Variants in DLGAP2 observed in about 807,000 individuals in gnomAD.
DLGAP2 encodes the protein DLG associated protein 2.
Under a neutral mutation model 100.3 loss-of-function variants are expected in DLGAP2, and 26 were observed. The observed-to-expected ratio is 0.26, with a 90% CI of 0.19 to 0.36. The LOEUF (loss-of-function observed/expected upper bound fraction) is 0.36. DLGAP2 is among the 10% of genes least tolerant of loss of function. The pLI is 1.00. For synonymous variants in DLGAP2, 886 were observed against 630.1 expected (o/e 1.41, Z -6.08); for missense variants, 1,858 against 1,453.2 (o/e 1.28, Z -4.53).
At chr8:1,217,125 A>G (rs1467257639) in intron 2 of DLGAP2, among the ~76,000 whole-genome samples, 1 of 152,094 alleles carries the variant, frequency 6.6e-6, no homozygotes, top group Non-Finnish European at 1.5e-5. Flanking sequence ...TTCACCCTCA[A>G]ATAGACCCCA....
intron 11 of DLGAP2, 109 bp from the exon 12 acceptor site, chr8:1,678,105 C>A (rs959578145): frequency 1.6e-6 from 2 of 1,287,528 alleles, no homozygotes; most frequent in Non-Finnish European, 2.1e-6. Flanking sequence ...GCCCTTGAGC[C>A]GCCAGGCTGT....
chr8:1,176,735 C>T (rs1797267338), intron 2 of DLGAP2, among the ~76,000 whole-genome samples: 2 of 152,182 alleles, frequency 1.3e-5, no homozygotes, highest in South Asian at 4.1e-4. Flanking sequence ...TCAGGTGCAG[C>T]CCCGTCTGCT....
At chr8:1,600,858 G>C (rs117205768) in intron 6 of DLGAP2, among the ~76,000 whole-genome samples, 218 of 152,162 alleles carry the variant, frequency 1.4e-3, no homozygotes, top group Non-Finnish European at 2.5e-3. Context: ...CCCACTTTCT[G>C]AAACCTACTT....
At chr8:1,301,411 G>T (rs1172185690) in intron 3 of DLGAP2, 3 of 152,036 alleles carry the variant, frequency 2.0e-5, no homozygotes. Context: ...CAACTGATGG[G>T]CTTTGAGATT....
chr8:1,075,929 A>G lies in DLGAP2; in HGVS notation c.73+167963A>G, dbSNP rs1290672361. Among the ~76,000 whole-genome samples, 3 of 152,084 alleles carry G rather than the reference A, an allele frequency of 2.0e-5. No homozygotes were observed. In the East Asian group the frequency reaches 5.8e-4, roughly 29 times the overall value. On this transcript the variant is annotated intron_variant, in intron 2 of 14. Coordinates refer to ENST00000637795, the MANE Select transcript of DLGAP2 (RefSeq NM_001346810.2). ...AAAAATAAAAACAAAAAAAAAGAAA[A>G]AAGACCCGAAAAATCACAGGATGGT...
At chr8:893,558 G>A (rs953380257) in intron 1 of DLGAP2, among the ~76,000 whole-genome samples, 1 of 152,236 alleles carries the variant, frequency 6.6e-6, no homozygotes, top group Non-Finnish European at 1.5e-5. Context: ...GGTCTTGGAT[G>A]AAGCTGCCCT....
chr8:957,773 A>G (rs563501917), intron 2 of DLGAP2, among the ~76,000 whole-genome samples: 74 of 152,342 alleles, frequency 4.9e-4, no homozygotes, highest in African/African-American at 1.8e-3. Context: ...TGAACATTTT[A>G]GAAGAAGGTG....
At chr8:1,112,707 G>C (rs772857019) in intron 2 of DLGAP2, among the ~76,000 whole-genome samples, 2 of 152,122 alleles carry the variant, frequency 1.3e-5, no homozygotes, top group African/African-American at 2.4e-5. Context: ...GCTCTACAGA[G>C]GTTCTTAAGT....
At chr8:924,128 C>T (rs1157021426) in intron 2 of DLGAP2, among the ~76,000 whole-genome samples, 10 of 152,198 alleles carry the variant, frequency 6.6e-5, no homozygotes. Flanking sequence ...AAAGATGTCT[C>T]TGGTTTTCAG....
chr8:1,488,026 G>T (rs1041013407), intron 3 of DLGAP2, among the ~76,000 whole-genome samples: 1 of 108,326 alleles, frequency 9.2e-6, no homozygotes, highest in South Asian at 3.2e-4. Flanking sequence ...TTCCATCATC[G>T]CTGAGAGTCT....
At chr8:1,434,359 G>A (rs749884111) in intron 3 of DLGAP2, among the ~76,000 whole-genome samples, 7 of 152,166 alleles carry the variant, frequency 4.6e-5, no homozygotes, top group Non-Finnish European at 1.0e-4. Context: ...AGCCTCACGT[G>A]CAGACAGCAA....
chr8:942,941 G>A (rs1426211784), intron 2 of DLGAP2, among the ~76,000 whole-genome samples: 1 of 152,228 alleles, frequency 6.6e-6, no homozygotes, highest in African/African-American at 2.4e-5. Context: ...CCAGTGATGC[G>A]TTGCAAGGGT....
At chr8:1,619,178 G>C (rs999511111) in intron 6 of DLGAP2, among the ~76,000 whole-genome samples, 1 of 152,130 alleles carries the variant, frequency 6.6e-6, no homozygotes, top group African/African-American at 2.4e-5. Flanking sequence ...AGAAAAATGG[G>C]CATAAAAGCC....
In DLGAP2 at chr8:1,113,642, A is replaced by T. The variant is rs558063982; in HGVS notation, c.74-145209A>T. Among the ~76,000 whole-genome samples, 11 of 152,272 alleles carry T rather than the reference A, an allele frequency of 7.2e-5. No homozygotes were observed. The East Asian group carries it at 2.1e-3, about 29-fold the overall frequency. On this transcript the variant is annotated intron_variant, in intron 2 of 14. Transcript: ENST00000637795. Reference sequence around the variant, plus strand: ...TAGATATAGAATCTTGTCATCTACAAACAGGGGTACTTTGACTTCCTCTCT... The same window carrying T: ...TAGATATAGAATCTTGTCATCTACATACAGGGGTACTTTGACTTCCTCTCT...
At chr8:1,626,911 C>T (rs763405373) in intron 7 of DLGAP2, 24 bp downstream of exon 7, 3 of 1,568,210 alleles carry the variant, frequency 1.9e-6, no homozygotes, top group African/African-American at 2.7e-5. Context: ...CGCCCTTTCT[C>T]CCTGGGGTCC....
intron 3 of DLGAP2, among the ~76,000 whole-genome samples, chr8:1,427,436 G>A (rs1469596298): frequency 2.6e-5 from 4 of 152,192 alleles, no homozygotes; most frequent in African/African-American, 7.2e-5. Flanking sequence ...CCCTCATAAT[G>A]TAATGCAGTT....
intron 6 of DLGAP2, among the ~76,000 whole-genome samples, chr8:1,582,708 G>C (rs1462074498): frequency 2.6e-5 from 4 of 152,106 alleles, no homozygotes; most frequent in South Asian, 2.1e-4. Flanking sequence ...TCCTGCCTCA[G>C]CCTCCCGAGC....
chr8:1,438,375 A>AT (rs1233934512), intron 3 of DLGAP2, among the ~76,000 whole-genome samples: 1 of 152,122 alleles, frequency 6.6e-6, no homozygotes, highest in African/African-American at 2.4e-5. Context: ...ATCTCATCAG[A>AT]TTCGCTGCTT....
intron 3 of DLGAP2, among the ~76,000 whole-genome samples, chr8:1,493,667 A>G (rs748511437): frequency 2.6e-5 from 4 of 152,212 alleles, no homozygotes; most frequent in South Asian, 2.1e-4. Flanking sequence ...AAAACGTCCT[A>G]TCGGCAATGA....
Sources: allele counts gnomAD v4.1 joint callset (sites outside exome capture counted in the v4.1 genomes callset), GRCh38; gene constraint gnomAD v4.1.1; transcripts MANE v1.5; gene names NCBI Gene and HGNC (gene_info 2026-07-23, HGNC 2026-07-21).